The following NR6A1 variants were observed in gnomAD, a reference collection of about 807,000 sequenced individuals.
The protein encoded by NR6A1 is retinoic acid receptor-related testis-associated receptor.
Under a neutral mutation model 59.1 loss-of-function variants are expected in NR6A1, and 7 were observed. The observed-to-expected ratio is 0.12, with a 90% CI of 0.07 to 0.22. The LOEUF is 0.22. NR6A1 is among the 10% of genes least tolerant of loss of function. The pLI, the probability that NR6A1 is intolerant of heterozygous loss-of-function variation, is 1.00. For missense variants in NR6A1, 468 were observed against 611.6 expected, an observed-to-expected ratio of 0.77 and a Z score of 2.48; for synonymous variants, 243 against 236.1, an observed-to-expected ratio of 1.03 and a Z score of -0.27.
At position 124,681,020 on chromosome 9, in the gene NR6A1, T is replaced by C. The variant is rs375234583; in HGVS notation, c.142+52288A>G. ...CATTTTAACTTAATAATGTCCTTGA[T>C]GAAGCAGTAAGATTTAGTGATTTTA... On this transcript the variant is annotated intron_variant, in intron 2 of 9. Transcript: ENST00000487099. Among the ~76,000 whole-genome samples, 74 of 152,322 alleles carry C rather than the reference T, an allele frequency of 4.9e-4. No individual in the cohort carries two copies. In the East Asian group the frequency reaches 6.0e-3, roughly 12 times the overall value.
chr9:124,712,983 A>C (rs542872611), intron 2 of NR6A1, among the ~76,000 whole-genome samples: 3 of 152,342 alleles, frequency 2.0e-5, no homozygotes, highest in South Asian at 2.1e-4. Flanking sequence ...GGGCATCTAC[A>C]AAAACCCTAC....
At chr9:124,755,535 T>C (rs185781838) in intron 1 of NR6A1, among the ~76,000 whole-genome samples, 1 of 152,314 alleles carries the variant, frequency 6.6e-6, no homozygotes, top group Admixed American at 6.5e-5. Flanking sequence ...TTTATCACAT[T>C]TATGATGCTG....
chr9:124,743,149 C>T (rs117595679), intron 1 of NR6A1, among the ~76,000 whole-genome samples: 33 of 152,326 alleles, frequency 2.2e-4, no homozygotes, highest in Non-Finnish European at 4.1e-4. Context: ...CAAGCAGCTC[C>T]AGACCTAGGC....
At chr9:124,762,131 C>T (rs562372450) in intron 1 of NR6A1, among the ~76,000 whole-genome samples, 1 of 152,282 alleles carries the variant, frequency 6.6e-6, no homozygotes, top group Admixed American at 6.5e-5. Flanking sequence ...CTGGAGTTCT[C>T]ATATATTTAT....
chr9:124,687,319 T>TTTATTTA (rs1222190934), intron 2 of NR6A1, among the ~76,000 whole-genome samples: 2 of 151,374 alleles, frequency 1.3e-5, no homozygotes, highest in African/African-American at 2.4e-5. Flanking sequence ...TATTTATTTA[T>TTTATTTA]TGGTAGAGAC....
intron 2 of NR6A1, among the ~76,000 whole-genome samples, chr9:124,718,304 G>A (rs887181707): frequency 1.6e-4 from 24 of 152,210 alleles, no homozygotes; most frequent in African/African-American, 5.8e-4. Flanking sequence ...CCTCAAGCCT[G>A]ACACTGAAAA....
intron 1 of NR6A1, among the ~76,000 whole-genome samples, chr9:124,768,513 A>G (rs1225117068): frequency 6.6e-6 from 1 of 152,228 alleles, no homozygotes; most frequent in African/African-American, 2.4e-5. Flanking sequence ...AATATCCCAC[A>G]ACGGTCTAGC....
At chr9:124,561,250 AC>A (rs1388657472) in intron 2 of NR6A1, among the ~76,000 whole-genome samples, 3 of 152,086 alleles carry the variant, frequency 2.0e-5, no homozygotes, top group Non-Finnish European at 4.4e-5. Context: ...AGCCTGGGCA[AC>A]CTGGCAAAAC....
At chr9:124,709,490 G>A (rs770052604) in intron 2 of NR6A1, among the ~76,000 whole-genome samples, 1 of 152,066 alleles carries the variant, frequency 6.6e-6, no homozygotes, top group Non-Finnish European at 1.5e-5. Context: ...CAGAAGCGAG[G>A]AGTATCAGTC....
chr9:124,714,274 T>C (rs903640992), intron 2 of NR6A1, among the ~76,000 whole-genome samples: 1 of 152,154 alleles, frequency 6.6e-6, no homozygotes. Flanking sequence ...AGCTTCAGTT[T>C]TGCAATATGA....
intron 2 of NR6A1, among the ~76,000 whole-genome samples, chr9:124,646,798 G>C (rs976781923): frequency 6.6e-6 from 1 of 152,166 alleles, no homozygotes; most frequent in African/African-American, 2.4e-5. Flanking sequence ...TTCTTTGAAA[G>C]GCACAATCTG....
chr9:124,718,803 CTTTTTTTTTTTT>C (rs11316308), intron 2 of NR6A1, among the ~76,000 whole-genome samples: 5 of 64,538 alleles, frequency 7.7e-5, no homozygotes, highest in African/African-American at 1.1e-4. Context: ...AAATTGTTAC[CTTTTTTTTTTTT>C]TTTTTTTTTT....
intron 2 of NR6A1, among the ~76,000 whole-genome samples, chr9:124,710,455 C>A (rs1469755755): frequency 6.6e-6 from 1 of 152,110 alleles, no homozygotes; most frequent in Admixed American, 6.6e-5. Context: ...AGAAAAAACA[C>A]CCCCTTTCTA....
intron 2 of NR6A1, among the ~76,000 whole-genome samples, chr9:124,643,140 A>G (rs2130905396): frequency 6.6e-6 from 1 of 152,130 alleles, no homozygotes; most frequent in South Asian, 2.1e-4. Context: ...GACATGACTG[A>G]CAATGAATAT....
chr9:124,531,149 G>A (rs969792974), intron 7 of NR6A1, among the ~76,000 whole-genome samples: 6 of 152,214 alleles, frequency 3.9e-5, no homozygotes, highest in African/African-American at 1.2e-4. Flanking sequence ...GTTAGGCAGG[G>A]AAGCTGGGAG....
rs375312834 is a variant in NR6A1 at position 124,522,260 on chromosome 9, T to C, written c.*445A>G. On this transcript the variant is annotated 3_prime_UTR_variant, in exon 10 of 10. Coordinates refer to ENST00000487099, the MANE Select transcript of NR6A1 (RefSeq NM_033334.4). The stretch of plus-strand genomic sequence containing the variant: ...TCTCTGACAGACAAATGTATGAGTC[T>C]GCTGAGAAAATGTGGAAAAAGTAGG... 1.3e-5 allele frequency: 2 copies of C among 156,760 alleles called. No homozygotes were observed. Among genetic ancestry groups the C allele is most frequent in the African/African-American group, 4.8e-5 (2 of 41,620 alleles). The allele number at this position is 156,760 out of a possible 1,614,324, so 9.7% of individuals were successfully genotyped here.
chr9:124,633,615 A>G (rs1367061477), intron 2 of NR6A1, among the ~76,000 whole-genome samples: 5 of 152,148 alleles, frequency 3.3e-5, no homozygotes, highest in Admixed American at 3.3e-4. Context: ...GCCACAGTGG[A>G]GCCATTCTAG....
At chr9:124,767,589 TG>T (rs1247854868) in intron 1 of NR6A1, among the ~76,000 whole-genome samples, 11 of 152,312 alleles carry the variant, frequency 7.2e-5, no homozygotes, top group African/African-American at 2.6e-4. Context: ...TTTTTGGTTT[TG>T]TTTTTTTCTA....
intron 7 of NR6A1, among the ~76,000 whole-genome samples, chr9:124,532,604 T>C (rs1833133371): frequency 6.6e-6 from 1 of 152,206 alleles, no homozygotes; most frequent in African/African-American, 2.4e-5. Context: ...AGAACTAACA[T>C]GTTGAAGTTT....
Sources: allele counts gnomAD v4.1 joint callset (sites outside exome capture counted in the v4.1 genomes callset), GRCh38; gene constraint gnomAD v4.1.1; transcripts MANE v1.5; gene names NCBI Gene and HGNC (gene_info 2026-07-23, HGNC 2026-07-21).